HPSE2: variants seen among roughly 807,000 people sequenced by gnomAD.
HPSE2 encodes the protein inactive heparanase-2.
In HPSE2, 38 loss-of-function variants were observed where a neutral mutation model predicts 60.5. That is an observed-to-expected ratio of 0.63 (90% CI 0.48 to 0.82). HPSE2 has a LOEUF of 0.82. Ranked by LOEUF, HPSE2 falls within the 40% of genes least tolerant of loss-of-function variation. HPSE2 has a pLI of 0.00. For missense variants in HPSE2, 713 were observed against 740.4 expected, an observed-to-expected ratio of 0.96 and a Z score of 0.43; for synonymous variants, 295 against 293.2, an observed-to-expected ratio of 1.01 and a Z score of -0.06.
In HPSE2 at chr10:98,749,777, G is replaced by A. The variant is rs1389742356; in HGVS notation, c.611-5721C>T. On this transcript the variant is annotated intron_variant, in intron 3 of 11. Coordinates refer to ENST00000370552, the MANE Select transcript of HPSE2 (RefSeq NM_021828.5). ...TTCTGAGTGCATTTAAGGTAGGCCC[G>A]GCTAAGCTATGATGTTCAGTAGGTT... is the stretch of plus-strand genomic sequence containing the variant. Among the ~76,000 whole-genome samples, 7 of 150,658 alleles carry A rather than the reference G, an allele frequency of 4.6e-5. No homozygotes were observed. The East Asian group carries it at 7.8e-4, about 17-fold the overall frequency.
At chr10:98,987,642 A>G (rs1956401082) in intron 3 of HPSE2, among the ~76,000 whole-genome samples, 1 of 152,198 alleles carries the variant, frequency 6.6e-6, no homozygotes, top group African/African-American at 2.4e-5. Flanking sequence ...AGTTCTGGCC[A>G]GGGCAATTAG....
chr10:99,213,305 A>AG, intron 2 of HPSE2, among the ~76,000 whole-genome samples: 1 of 152,270 alleles, frequency 6.6e-6, no homozygotes, highest in East Asian at 1.9e-4. Context: ...AGAAGAAAAA[A>AG]AAATTCCCTA....
intron 3 of HPSE2, among the ~76,000 whole-genome samples, chr10:98,991,667 T>C (rs1467557170): frequency 1.3e-5 from 2 of 151,892 alleles, no homozygotes; most frequent in Admixed American, 6.6e-5. Flanking sequence ...TGTATATATG[T>C]CAATGAAAGT....
the HPSE2 span, among the ~76,000 whole-genome samples, chr10:99,293,864 T>C: frequency 2.0e-5 from 3 of 152,232 alleles, no homozygotes; most frequent in South Asian, 4.2e-4. Flanking sequence ...GGTATAAATG[T>C]CTTATTCTCT....
At chr10:98,886,583 C>A (rs1953172315) in intron 3 of HPSE2, among the ~76,000 whole-genome samples, 1 of 151,358 alleles carries the variant, frequency 6.6e-6, no homozygotes, top group African/African-American at 2.4e-5. Context: ...TAGGAAGATT[C>A]AAAGGAGAGA....
chr10:99,244,381 T>TA, the HPSE2 span, among the ~76,000 whole-genome samples: 1 of 105,636 alleles, frequency 9.5e-6, no homozygotes, highest in Non-Finnish European at 1.9e-5. Flanking sequence ...TTTTTATTTC[T>TA]TTTATTATTA....
intron 3 of HPSE2, among the ~76,000 whole-genome samples, chr10:99,122,208 A>T (rs1467726942): frequency 6.6e-6 from 1 of 152,064 alleles, no homozygotes; most frequent in Non-Finnish European, 1.5e-5. Flanking sequence ...AATATATATA[A>T]ACTTATTTTT....
At chr10:98,485,455 C>T (rs1047196649) in intron 10 of HPSE2, among the ~76,000 whole-genome samples, 11 of 152,206 alleles carry the variant, frequency 7.2e-5, no homozygotes, top group African/African-American at 1.9e-4. Flanking sequence ...CCTCCTCCTC[C>T]GGTCCTTCTT....
At chr10:99,028,658 A>G (rs1356074976) in intron 3 of HPSE2, among the ~76,000 whole-genome samples, 1 of 152,204 alleles carries the variant, frequency 6.6e-6, no homozygotes, top group Non-Finnish European at 1.5e-5. Flanking sequence ...TAGAACCACA[A>G]AAGACCTACA....
intron 3 of HPSE2, among the ~76,000 whole-genome samples, chr10:98,813,812 G>A (rs758171830): frequency 3.9e-5 from 6 of 152,022 alleles, no homozygotes; most frequent in Non-Finnish European, 7.4e-5. Flanking sequence ...TTTTGCTTTA[G>A]TGAACCAATC....
chr10:99,247,225 T>A, the HPSE2 span, among the ~76,000 whole-genome samples: 2 of 152,234 alleles, frequency 1.3e-5, no homozygotes, highest in African/African-American at 4.8e-5. Context: ...TAGATAAACA[T>A]ATAATCTCCT....
intron 3 of HPSE2, among the ~76,000 whole-genome samples, chr10:98,981,738 T>A (rs370997362): frequency 9.9e-5 from 15 of 152,246 alleles, no homozygotes; most frequent in African/African-American, 3.4e-4. Flanking sequence ...AACCCCTCAA[T>A]ATATCTAAAA....
At chr10:99,261,137 A>G in the HPSE2 span, among the ~76,000 whole-genome samples, 82,788 of 151,886 alleles carry the variant, frequency 0.55, 24,382 homozygotes, top group East Asian at 0.66. Context: ...CTCCCAATGC[A>G]ATTCATCCCA....
chr10:98,478,514 A>T (rs1221989772), intron 11 of HPSE2, among the ~76,000 whole-genome samples: 1 of 152,216 alleles, frequency 6.6e-6, no homozygotes, highest in Admixed American at 6.5e-5. Flanking sequence ...ATGGCTGCTC[A>T]CACTCTGATT....
At chr10:99,025,452 A>C (rs186736176) in intron 3 of HPSE2, among the ~76,000 whole-genome samples, 188 of 152,306 alleles carry the variant, frequency 1.2e-3, no homozygotes, top group African/African-American at 4.1e-3. Flanking sequence ...ATCAACCTAA[A>C]TGCCCATCAA....
At chr10:98,974,716 T>A (rs914786552) in intron 3 of HPSE2, among the ~76,000 whole-genome samples, 4 of 152,290 alleles carry the variant, frequency 2.6e-5, no homozygotes, top group African/African-American at 7.2e-5. Flanking sequence ...CACCAATATA[T>A]TCATCATAAA....
intron 3 of HPSE2, among the ~76,000 whole-genome samples, chr10:98,847,074 C>G (rs1443563258): frequency 6.6e-6 from 1 of 152,188 alleles, no homozygotes; most frequent in African/African-American, 2.4e-5. Flanking sequence ...CATTGTCTGG[C>G]ACAGTCATCT....
At chr10:98,725,527 A>G (rs896193839) in intron 4 of HPSE2, among the ~76,000 whole-genome samples, 4 of 152,240 alleles carry the variant, frequency 2.6e-5, no homozygotes, top group Non-Finnish European at 2.9e-5. Context: ...ACCTAAAACC[A>G]TAAAAACCCT....
At chr10:98,634,900 T>G (rs1398120005) in intron 7 of HPSE2, among the ~76,000 whole-genome samples, 3 of 152,200 alleles carry the variant, frequency 2.0e-5, no homozygotes, top group Non-Finnish European at 2.9e-5. Flanking sequence ...AGTCTAACTT[T>G]TAGGTGTTAG....
Sources: allele counts gnomAD v4.1 joint callset (sites outside exome capture counted in the v4.1 genomes callset), GRCh38; gene constraint gnomAD v4.1.1; transcripts MANE v1.5; gene names NCBI Gene and HGNC (gene_info 2026-07-23, HGNC 2026-07-21).